NRF1: variants seen among roughly 807,000 people sequenced by gnomAD.
The protein encoded by NRF1 is nuclear respiratory factor 1, also known as alpha palindromic-binding protein.
A neutral mutation model predicts 58.5 loss-of-function variants in NRF1; 5 were observed. That is an observed-to-expected ratio of 0.09 (90% confidence interval 0.04 to 0.18). The LOEUF is 0.18. NRF1 is among the 10% of genes least tolerant of loss of function. The probability of loss-of-function intolerance (pLI) is 1.00; values close to 1 mark genes in which losing one functional copy is unlikely to be tolerated. For synonymous variants in NRF1, 224 were observed against 246.7 expected (o/e 0.91, Z 0.86); for missense variants, 288 against 657.7 (o/e 0.44, Z 6.15).
At chr7:129,723,303 C>G (rs1172867641) in intron 9 of NRF1, among the ~76,000 whole-genome samples, 1 of 151,960 alleles carries the variant, frequency 6.6e-6, no homozygotes, top group Non-Finnish European at 1.5e-5. Context: ...ATTAGCCGGG[C>G]ATGGTGGCGG....
intron 1 of NRF1, among the ~76,000 whole-genome samples, chr7:129,619,280 A>G (rs1003496041): frequency 2.7e-5 from 4 of 150,252 alleles, no homozygotes; most frequent in Non-Finnish European, 4.4e-5. Context: ...TTGGAGGGCA[A>G]TGCCGGAGGA....
intron 1 of NRF1, among the ~76,000 whole-genome samples, chr7:129,623,849 A>G: frequency 6.6e-6 from 1 of 152,236 alleles, no homozygotes; most frequent in East Asian, 1.9e-4. Flanking sequence ...TTCCAAAAGA[A>G]GAACTTTTAG....
At chr7:129,652,265 A>T (rs1025050516) in intron 1 of NRF1, among the ~76,000 whole-genome samples, 1 of 152,190 alleles carries the variant, frequency 6.6e-6, no homozygotes, top group Non-Finnish European at 1.5e-5. Flanking sequence ...TGTGGTTGAC[A>T]TTTTTTGGTA....
intron 2 of NRF1, among the ~76,000 whole-genome samples, chr7:129,668,663 G>GA (rs1171662627): frequency 6.6e-6 from 1 of 152,026 alleles, no homozygotes; most frequent in Non-Finnish European, 1.5e-5. Context: ...CAACAAAAAG[G>GA]AAAAAACAAC....
chr7:129,652,595 T>TTTTA (rs1429878778), intron 1 of NRF1, among the ~76,000 whole-genome samples: 2 of 152,062 alleles, frequency 1.3e-5, no homozygotes, highest in Admixed American at 6.6e-5. Flanking sequence ...TAAAATTTAT[T>TTTTA]TTTATTTATT....
chr7:129,648,770 G>A (rs566442326), intron 1 of NRF1, among the ~76,000 whole-genome samples: 5 of 151,878 alleles, frequency 3.3e-5, no homozygotes, highest in East Asian at 1.9e-4. Flanking sequence ...TCCCTCTCCC[G>A]CCTCCAAATT....
intron 1 of NRF1, among the ~76,000 whole-genome samples, chr7:129,630,404 T>C (rs1801022003): frequency 6.6e-6 from 1 of 152,296 alleles, no homozygotes; most frequent in South Asian, 2.1e-4. Context: ...TAATGGTCTC[T>C]TAGAGAGAGG....
chr7:129,730,197 C>CT (rs888756724), intron 10 of NRF1, among the ~76,000 whole-genome samples: 2 of 151,768 alleles, frequency 1.3e-5, no homozygotes, highest in Admixed American at 1.3e-4. Context: ...AATCTTTTTT[C>CT]TTTTTTTAAT....
At chr7:129,637,163 A>G (rs193269633) in intron 1 of NRF1, among the ~76,000 whole-genome samples, 1 of 152,100 alleles carries the variant, frequency 6.6e-6, no homozygotes, top group East Asian at 1.9e-4. Flanking sequence ...AACTCTCTGC[A>G]TTCCCATACC....
intron 1 of NRF1, among the ~76,000 whole-genome samples, chr7:129,643,751 GAC>G (rs1231693660): frequency 3.9e-5 from 6 of 152,232 alleles, no homozygotes; most frequent in African/African-American, 1.4e-4. Flanking sequence ...CAGTGTGCCA[GAC>G]ACAGGGTTGT....
At chr7:129,710,794 C>T (rs1174322806) in intron 7 of NRF1, among the ~76,000 whole-genome samples, 1 of 152,080 alleles carries the variant, frequency 6.6e-6, no homozygotes, top group East Asian at 1.9e-4. Flanking sequence ...CAAAACAAAG[C>T]ACTTTTAAAG....
intron 3 of NRF1, among the ~76,000 whole-genome samples, chr7:129,673,923 T>C (rs1172257528): frequency 6.6e-6 from 1 of 152,028 alleles, no homozygotes; most frequent in Admixed American, 6.5e-5. Flanking sequence ...GCGGATCACC[T>C]GAGGTCGGGA....
intron 5 of NRF1, among the ~76,000 whole-genome samples, chr7:129,699,930 G>C (rs1243784240): frequency 1.3e-5 from 2 of 150,236 alleles, no homozygotes; most frequent in African/African-American, 4.9e-5. Context: ...ACGAGGTCAG[G>C]AGTTTGAGAC....
At position 129,619,478 on chromosome 7, in the gene NRF1, GTGTGTGTGTGTGTATATA is replaced by G. The variant is rs1270109263; in HGVS notation, c.-7+7656_-7+7673del. ...TATACACGTGTGTGTGTGTGTGTGTGTGTGTGTGTGTGTATATATATATATATATATATATGTATTGTT... is the reference window on the plus strand; with the variant it reads ...TATACACGTGTGTGTGTGTGTGTGTGTATATATATATATATATGTATTGTT... On this transcript the variant is annotated intron_variant, in intron 1 of 10. Transcript: ENST00000393232. 7.2e-3 allele frequency among the ~76,000 whole-genome samples: 249 copies of G among 34,646 alleles called. 2 individuals carry two copies. The highest frequency in any genetic ancestry group is 0.014 in the Admixed American group (32 of 2,344). 22.7% of individuals were successfully genotyped at this position (34,646 alleles called of 152,430 possible). A position where few individuals can be genotyped will look rare whatever the true frequency, so the allele number is the denominator to read the frequency against.
intron 10 of NRF1, among the ~76,000 whole-genome samples, chr7:129,737,230 G>A (rs1372224557): frequency 1.3e-5 from 2 of 152,208 alleles, no homozygotes; most frequent in Non-Finnish European, 2.9e-5. Context: ...AATGGGACTA[G>A]ATTAGAAGCC....
chr7:129,746,038 CTT>C (rs916218482), intron 10 of NRF1, among the ~76,000 whole-genome samples: 15 of 152,278 alleles, frequency 9.9e-5, no homozygotes, highest in African/African-American at 3.4e-4. Context: ...GAAGAAAACT[CTT>C]TGAGTGCTGA....
At chr7:129,614,879 T>A (rs1800628644) in intron 1 of NRF1, among the ~76,000 whole-genome samples, 2 of 152,222 alleles carry the variant, frequency 1.3e-5, no homozygotes, top group African/African-American at 2.4e-5. Context: ...GAATTTGCAT[T>A]GCCTGCACAC....
intron 5 of NRF1, among the ~76,000 whole-genome samples, chr7:129,692,082 C>T (rs2151093543): frequency 6.6e-6 from 1 of 152,216 alleles, no homozygotes; most frequent in Middle Eastern, 3.4e-3. Context: ...TGCCCTCTCC[C>T]TCCACATTCC....
intron 10 of NRF1, among the ~76,000 whole-genome samples, chr7:129,732,827 C>A (rs1020269975): frequency 2.6e-5 from 4 of 152,292 alleles, no homozygotes; most frequent in South Asian, 2.1e-4. Context: ...GTCTCGAACT[C>A]CCGACCTCAG....
Sources: gnomAD v4.1 joint callset for allele counts (sites outside exome capture counted in the v4.1 genomes callset) on GRCh38, gnomAD v4.1.1 for gene constraint, MANE v1.5 for transcripts, NCBI Gene and HGNC (gene_info 2026-07-23, HGNC 2026-07-21) for gene names.